KIAA2012: variants seen among roughly 807,000 people sequenced by gnomAD.
The protein encoded by KIAA2012 is uncharacterized protein KIAA2012.
Under a neutral mutation model 150.6 loss-of-function variants are expected in KIAA2012, and 125 were observed. That is an observed-to-expected ratio of 0.83 (90% CI 0.72 to 0.96). The LOEUF (loss-of-function observed/expected upper bound fraction) is 0.96. Among genes scored for constraint, KIAA2012 ranks in the 40% least tolerant of loss-of-function variants. The pLI, the probability that KIAA2012 is intolerant of heterozygous loss-of-function variation, is 0.00. For missense variants in KIAA2012, 1,219 were observed against 1,354.9 expected (o/e 0.90, Z 1.57); for synonymous variants, 462 against 504.7 (o/e 0.92, Z 1.13).
intron 15 of KIAA2012, chr2:202,179,592 G>A (rs1279983251): frequency 1.5e-6 from 1 of 666,380 alleles, no homozygotes; most frequent in East Asian, 3.3e-5. Flanking sequence ...ACTATCTTGT[G>A]TACCAAGTGC....
chr2:202,139,496 T>C (rs1420736506), intron 13 of KIAA2012, among the ~76,000 whole-genome samples: 1 of 152,138 alleles, frequency 6.6e-6, no homozygotes, highest in Non-Finnish European at 1.5e-5. Flanking sequence ...ACTTCTCCAT[T>C]CTGTCCACCT....
At chr2:202,189,401 T>C (rs540342518) in intron 18 of KIAA2012, among the ~76,000 whole-genome samples, 19 of 151,772 alleles carry the variant, frequency 1.3e-4, no homozygotes, top group African/African-American at 4.6e-4. Flanking sequence ...AAGCAATTCT[T>C]CTGCCTCAGC....
chr2:202,088,101 G>A (rs1298810358), intron 2 of KIAA2012, among the ~76,000 whole-genome samples: 1 of 151,998 alleles, frequency 6.6e-6, no homozygotes, highest in African/African-American at 2.4e-5. Flanking sequence ...ATGCATATGG[G>A]CTATACTGTA....
chr2:202,096,007 C>G (rs1689864613), intron 4 of KIAA2012, among the ~76,000 whole-genome samples: 1 of 152,108 alleles, frequency 6.6e-6, no homozygotes, highest in African/African-American at 2.4e-5. Flanking sequence ...TCGCTTGAAC[C>G]TGGGAGGTGG....
In KIAA2012 at chr2:202,106,697, A is replaced by T. The variant is rs571890862; in HGVS notation, c.1474+787A>T. ...GCAAGACCCTGTCTAAAAATAAAAA[A>T]AAAAAATTTTTTTTAAAAAGTCCAT... On this transcript the variant is annotated intron_variant, in intron 9 of 23. Coordinates refer to ENST00000498697, the MANE Select transcript of KIAA2012 (RefSeq NM_001277372.4). Among the ~76,000 whole-genome samples the T allele has an allele frequency of 1.1e-3, 144 of 135,138 alleles. 1 individual carries two copies. The highest frequency in any genetic ancestry group is 4.0e-3 in the African/African-American group (124 of 30,632). 88.7% of individuals were successfully genotyped at this position (135,138 alleles called of 152,430 possible).
intron 14 of KIAA2012, among the ~76,000 whole-genome samples, chr2:202,158,357 C>T (rs1339823627): frequency 2.0e-5 from 3 of 152,094 alleles, no homozygotes; most frequent in East Asian, 1.9e-4. Context: ...ACTGAGGATA[C>T]AGAGATGAAT....
At chr2:202,084,814 CT>C (rs1689526350) in intron 2 of KIAA2012, among the ~76,000 whole-genome samples, 1 of 152,076 alleles carries the variant, frequency 6.6e-6, no homozygotes, top group African/African-American at 2.4e-5. Flanking sequence ...ATCTATATCA[CT>C]GAAAACTTGA....
chr2:202,087,216 T>TA (rs1327889414), intron 2 of KIAA2012, among the ~76,000 whole-genome samples: 3 of 151,986 alleles, frequency 2.0e-5, no homozygotes, highest in Non-Finnish European at 2.9e-5. Flanking sequence ...TGACCCTTTA[T>TA]AAAAAACCTT....
At chr2:202,172,781 C>T (rs768126450) in intron 15 of KIAA2012, among the ~76,000 whole-genome samples, 16 of 152,096 alleles carry the variant, frequency 1.1e-4, no homozygotes, top group Non-Finnish European at 1.2e-4. Context: ...AAGTGTGTGC[C>T]CAGGAGTCCT....
intron 15 of KIAA2012, among the ~76,000 whole-genome samples, chr2:202,169,456 A>G (rs929899837): frequency 1.3e-5 from 2 of 152,204 alleles, no homozygotes; most frequent in African/African-American, 4.8e-5. Context: ...CCATAGACCC[A>G]GAAGCAGCCA....
Position 202,093,278 on chromosome 2 carries a change from G to A in KIAA2012, c.685+93G>A, listed in dbSNP as rs1689778760. 3 of 1,318,320 alleles carry A rather than the reference G, an allele frequency of 2.3e-6. No homozygotes were observed. The South Asian group carries it at 4.1e-5, about 18-fold the overall frequency. 81.7% of individuals were successfully genotyped at this position (1,318,320 alleles called of 1,614,324 possible). On this transcript the variant is annotated intron_variant, in intron 4 of 23. Transcript: ENST00000498697. ...ATGGCATTTCCCAAAACAAGGTCTT[G>A]AGATTCTGGGTTGCATAGTCCTCAA...
rs1400947120 is a variant in KIAA2012 at position 202,132,718 on chromosome 2, A to ATATATG, written c.1832-5709_1832-5708insGTATAT. Among the ~76,000 whole-genome samples, 5 of 93,412 alleles carry ATATATG rather than the reference A, an allele frequency of 5.4e-5. No homozygotes were observed. The Admixed American group carries it at 6.2e-4, about 12-fold the overall frequency. The allele number at this position is 93,412 out of a possible 152,430, so 61.3% of individuals were successfully genotyped here. A position where few individuals can be genotyped will look rare whatever the true frequency, so the allele number is the denominator to read the frequency against. ...TATGTATATATATATGTATATATGT[A>ATATATG]TATATATATAGTATATATGTATATA... is the stretch of plus-strand genomic sequence containing the variant. On this transcript the variant is annotated intron_variant, in intron 12 of 23. Coordinates refer to ENST00000498697, the MANE Select transcript of KIAA2012 (RefSeq NM_001277372.4).
chr2:202,179,392 C>T, intron 15 of KIAA2012: 1 of 784,290 alleles, frequency 1.3e-6, no homozygotes, highest in Non-Finnish European at 2.3e-6. Context: ...CTGGAGGAGC[C>T]CTGTCAGTGG....
chr2:202,195,929 T>C (rs1208230400), intron 21 of KIAA2012, among the ~76,000 whole-genome samples: 1 of 152,240 alleles, frequency 6.6e-6, no homozygotes, highest in Non-Finnish European at 1.5e-5. Flanking sequence ...CACTCATCTA[T>C]TGATGGACAT....
intron 10 of KIAA2012, among the ~76,000 whole-genome samples, chr2:202,112,307 C>A (rs1242664000): frequency 6.6e-6 from 1 of 152,164 alleles, no homozygotes; most frequent in African/African-American, 2.4e-5. Flanking sequence ...CTGAGCGTGT[C>A]TAGGTGGGAG....
chr2:202,104,276 TC>T lies in KIAA2012; in HGVS notation c.1324+1165del. 6.6e-6 allele frequency among the ~76,000 whole-genome samples: 1 copy of T among 152,160 alleles called. No individual in the cohort carries two copies. ...ACCTTGCCAAAAAAAATTACTCAGCTCCCTAAAAAAAATAATAATAATAAAT... is the reference window on the plus strand; with the variant it reads ...ACCTTGCCAAAAAAAATTACTCAGCTCCTAAAAAAAATAATAATAATAAAT... On this transcript the variant is annotated intron_variant, in intron 8 of 23. Transcript: ENST00000498697. The surrounding 1 kb of genome is among the most constrained non-coding windows in gnomAD (Gnocchi z 4.3).
intron 15 of KIAA2012, among the ~76,000 whole-genome samples, chr2:202,181,244 A>G (rs1449409908): frequency 1.3e-5 from 2 of 152,192 alleles, no homozygotes. Context: ...TCCTGGGATT[A>G]TACACATAAG....
At chr2:202,163,799 TTTTTTTTTTC>T (rs1302282847) in intron 14 of KIAA2012, among the ~76,000 whole-genome samples, 1 of 93,298 alleles carries the variant, frequency 1.1e-5, no homozygotes, top group East Asian at 2.3e-4. Flanking sequence ...TTTTTTTTTT[TTTTTTTTTTC>T]CTGTACCAGG....
intron 16 of KIAA2012, 49 bp from the exon 17 acceptor site, chr2:202,186,884 C>A (rs1473915625): frequency 1.3e-6 from 2 of 1,532,544 alleles, no homozygotes; most frequent in African/African-American, 1.4e-5. Flanking sequence ...TCTTTCTTTC[C>A]ACCAGAGTTT....
Sources: gnomAD v4.1 joint callset for allele counts (sites outside exome capture counted in the v4.1 genomes callset) on GRCh38, gnomAD v4.1.1 for gene constraint, Gnocchi (gnomAD v3.1) non-coding constraint, MANE v1.5 for transcripts, NCBI Gene and HGNC (gene_info 2026-07-23, HGNC 2026-07-21) for gene names.